MAP3K9: variants seen among roughly 807,000 people sequenced by gnomAD.
MAP3K9 encodes mixed lineage kinase 1 (tyr and ser/thr specificity).
MAP3K9 carries 46 observed loss-of-function variants against 95.8 expected under a neutral mutation model. The observed-to-expected ratio is 0.48, with a 90% CI of 0.38 to 0.61. The LOEUF is 0.61. Ranked by LOEUF, MAP3K9 falls within the 20% of genes least tolerant of loss-of-function variation. The pLI is 0.00. For synonymous variants in MAP3K9, 533 were observed against 593.8 expected (o/e 0.90, Z 1.49); for missense variants, 1,296 against 1,474.3 (o/e 0.88, Z 1.98).
intron 5 of MAP3K9, among the ~76,000 whole-genome samples, chr14:70,747,697 C>A (rs994288874): frequency 1.2e-4 from 19 of 152,222 alleles, no homozygotes; most frequent in African/African-American, 4.6e-4. Flanking sequence ...CCATAGGACT[C>A]CTGGATAAAA....
At chr14:70,733,497 T>C (rs957884280) in intron 10 of MAP3K9, 155 bp from the exon 11 acceptor site, 7 of 603,314 alleles carry the variant, frequency 1.2e-5, no homozygotes, top group Non-Finnish European at 2.1e-5. Flanking sequence ...AATTGAACAC[T>C]GAACCAAGGG....
At chr14:70,748,760 G>C in intron 5 of MAP3K9, 69 bp downstream of exon 5, 1 of 1,283,996 alleles carries the variant, frequency 7.8e-7, no homozygotes. Context: ...TGTGAGTGAG[G>C]TCTACCAATT....
intron 3 of MAP3K9, among the ~76,000 whole-genome samples, chr14:70,758,522 C>G (rs2054327404): frequency 6.6e-6 from 1 of 152,244 alleles, no homozygotes; most frequent in African/African-American, 2.4e-5. Flanking sequence ...AGAACTGTTA[C>G]ATGATTCAGC....
Position 70,750,007 on chromosome 14 carries a change from T to G in MAP3K9, c.1076A>C (p.Tyr359Ser), listed in dbSNP as rs1263257672. 1 of 1,614,170 alleles carries G rather than the reference T, an allele frequency of 6.2e-7. No individual in the cohort carries two copies. The highest frequency in any genetic ancestry group is 8.5e-7 in the Non-Finnish European group (1 of 1,180,014). Residue 359 changes from tyrosine (Y) to serine (S), a missense_variant, in exon 4 of 12, where the codon TAT (tyrosine) becomes TCT (serine). By Grantham distance (144) the Tyr-to-Ser change is moderately radical. Transcript: ENST00000554752. ...GGCGAGTTTGTTCATGGCCACTCCA[T>G]AAGCGACTGCTAAGCCATCAATGCC... The part of the protein sequence containing the change: ...FRGIDGLAVA[Y>S]GVAMNKLALP...
chr14:70,799,984 C>T lies in MAP3K9; in HGVS notation c.820+683G>A, dbSNP rs188515491. Among the ~76,000 whole-genome samples, 589 of 152,060 alleles carry T rather than the reference C, an allele frequency of 3.9e-3. 8 individuals carry two copies. Among genetic ancestry groups the T allele is most frequent in the Non-Finnish European group, 3.8e-3 (260 of 67,960 alleles). ...AGTCAGCCAACGTGAAGGACTGGAG[C>T]TTCTACCAACTCACCATTTAATATT... is the stretch of plus-strand genomic sequence containing the variant. On this transcript the variant is annotated intron_variant, in intron 2 of 11. Coordinates refer to ENST00000554752, the MANE Select transcript of MAP3K9 (RefSeq NM_001284230.2).
chr14:70,741,664 A>G (rs2054071291), intron 6 of MAP3K9, among the ~76,000 whole-genome samples: 1 of 152,182 alleles, frequency 6.6e-6, no homozygotes, highest in Non-Finnish European at 1.5e-5. Context: ...CCCAGTCTCA[A>G]CTGCACTCAG....
intron 2 of MAP3K9, among the ~76,000 whole-genome samples, chr14:70,762,441 T>C (rs533247558): frequency 6.6e-6 from 1 of 152,318 alleles, no homozygotes; most frequent in South Asian, 2.1e-4. Flanking sequence ...GCCATCCTAG[T>C]GCATGTGATA....
At chr14:70,741,654 C>A (rs2054071197) in intron 6 of MAP3K9, among the ~76,000 whole-genome samples, 1 of 152,190 alleles carries the variant, frequency 6.6e-6, no homozygotes, top group African/African-American at 2.4e-5. Flanking sequence ...ATACATTAAA[C>A]CCAGTCTCAA....
chr14:70,749,025 C>G, intron 4 of MAP3K9, 21 bp from the exon 5 acceptor site: 1 of 1,600,116 alleles, frequency 6.2e-7, no homozygotes, highest in Non-Finnish European at 8.5e-7. Context: ...CATGTGAATA[C>G]TCAGAAAGCA....
intron 2 of MAP3K9, among the ~76,000 whole-genome samples, chr14:70,790,758 G>A (rs571983507): frequency 4.6e-5 from 7 of 152,274 alleles, no homozygotes; most frequent in African/African-American, 1.4e-4. Flanking sequence ...TATTGAAGGG[G>A]ACTCCACAGT....
intron 2 of MAP3K9, among the ~76,000 whole-genome samples, chr14:70,790,281 C>T (rs191683271): frequency 1.3e-5 from 2 of 152,232 alleles, no homozygotes; most frequent in Non-Finnish European, 2.9e-5. Context: ...GAACAAGCCC[C>T]GAAGTGGGGA....
chr14:70,794,229 T>A (rs773281139), intron 2 of MAP3K9, among the ~76,000 whole-genome samples: 3 of 152,158 alleles, frequency 2.0e-5, no homozygotes, highest in Non-Finnish European at 4.4e-5. Context: ...TAAGCTGACA[T>A]CTGAAAAGAG....
rs373007964 is a variant in MAP3K9 at position 70,800,775 on chromosome 14, G to T, written c.712C>A (p.Pro238Thr). 1.6e-4 allele frequency: 262 copies of T among 1,613,970 alleles called. No homozygotes were observed. Among genetic ancestry groups the T allele is most frequent in the Non-Finnish European group, 2.1e-4 (251 of 1,180,006 alleles). ...GCCCAATTCACCAGGATGTCTGGGGGAATCCTTTTCCCAGATAACACTCTA... is the reference window on the plus strand; with the variant it reads ...GCCCAATTCACCAGGATGTCTGGGGTAATCCTTTTCCCAGATAACACTCTA... ...LNRVLSGKRI[P>T]PDILVNWAVQ... Residue 238 changes from proline to threonine, a missense_variant, in exon 2 of 12, where the codon CCC becomes ACC. Pro to Thr is a conservative substitution (Grantham distance 38). Transcript: ENST00000554752.
intron 5 of MAP3K9, among the ~76,000 whole-genome samples, chr14:70,745,071 T>C (rs1487751815): frequency 2.6e-5 from 4 of 152,168 alleles, no homozygotes; most frequent in Admixed American, 2.6e-4. Context: ...TAAATCTAGA[T>C]TTTAAACTCT....
Position 70,732,964 on chromosome 14 carries a change from C to T in MAP3K9, c.2405G>A (p.Ser802Asn). ...KRREGLFQRS[S>N]RPRRSTSPPS... is the part of the protein sequence containing the mutation. ...GGGGCTGGTGCTCCGACGAGGACGG[C>T]TGGACCTCTGAAAAAGACCCTCCCG... Residue 802 changes from serine (S) to asparagine (N), a missense_variant, in exon 11 of 12, where the codon AGC becomes AAC. Ser to Asn is a conservative substitution (Grantham distance 46). This residue lies in a region of MAP3K9 where 433 missense variants were observed against 441.4 expected (regional missense o/e 0.98). Coordinates refer to ENST00000554752, the MANE Select transcript of MAP3K9 (RefSeq NM_001284230.2). 2 of 1,614,100 alleles carry T rather than the reference C, an allele frequency of 1.2e-6. No individual in the cohort carries two copies. Among genetic ancestry groups the T allele is most frequent in the Non-Finnish European group, 1.7e-6 (2 of 1,179,996 alleles).
intron 2 of MAP3K9, among the ~76,000 whole-genome samples, chr14:70,779,431 T>C (rs900908962): frequency 1.3e-5 from 2 of 152,154 alleles, no homozygotes; most frequent in African/African-American, 4.8e-5. Context: ...GATGGGACAG[T>C]CAGACAGAGT....
chr14:70,736,874 A>G (rs2053993239), intron 8 of MAP3K9, among the ~76,000 whole-genome samples: 1 of 152,194 alleles, frequency 6.6e-6, no homozygotes, highest in Non-Finnish European at 1.5e-5. Flanking sequence ...AGTGATTTAC[A>G]AAGCCTAGCT....
intron 7 of MAP3K9, among the ~76,000 whole-genome samples, chr14:70,739,131 T>C (rs1412630696): frequency 6.6e-6 from 1 of 152,198 alleles, no homozygotes; most frequent in African/African-American, 2.4e-5. Context: ...GCTAGAAATC[T>C]TGGATTTTTC....
Position 70,787,275 on chromosome 14 carries a change from A to G in MAP3K9, c.820+13392T>C, listed in dbSNP as rs112426355. Among the ~76,000 whole-genome samples the G allele has an allele frequency of 2.0e-3, 308 of 152,100 alleles. 1 individual carries two copies. The highest frequency in any genetic ancestry group is 6.1e-3 in the African/African-American group (253 of 41,480). ...TGTAATCCTAGCACTTTGGGAGGCCAAGACGGGCGGATCACAAGGTCAGGA... is the reference window on the plus strand; with the variant it reads ...TGTAATCCTAGCACTTTGGGAGGCCGAGACGGGCGGATCACAAGGTCAGGA... On this transcript the variant is annotated intron_variant, in intron 2 of 11. Transcript: ENST00000554752.
Sources: allele counts gnomAD v4.1 joint callset (sites outside exome capture counted in the v4.1 genomes callset), GRCh38; gene constraint gnomAD v4.1.1; regional missense constraint gnomAD v4.1.1; transcripts MANE v1.5; gene names NCBI Gene and HGNC (gene_info 2026-07-23, HGNC 2026-07-21).